ATP2A1: variants seen among roughly 807,000 people sequenced by gnomAD.
ATP2A1 encodes ATPase sarcoplasmic/endoplasmic reticulum Ca2+ transporting 1, also known as sarcoplasmic/endoplasmic reticulum calcium ATPase 1.
A neutral mutation model predicts 109.5 loss-of-function variants in ATP2A1; 83 were observed. That is an observed-to-expected ratio of 0.76 (90% CI 0.63 to 0.91). The LOEUF is 0.91. Ranked by LOEUF, ATP2A1 falls within the 40% of genes least tolerant of loss-of-function variation. The pLI is 0.00. For synonymous variants in ATP2A1, 505 were observed against 537.6 expected, an observed-to-expected ratio of 0.94 and a Z score of 0.84; for missense variants, 1,101 against 1,341.0, an observed-to-expected ratio of 0.82 and a Z score of 2.80.
chr16:28,893,117 T>G (rs187910064), intron 9 of ATP2A1, among the ~76,000 whole-genome samples: 1 of 144,174 alleles, frequency 6.9e-6, no homozygotes, highest in Non-Finnish European at 1.5e-5. Context: ...AGCATCATGG[T>G]GGGTGCCTGT....
chr16:28,902,126 GT>G lies in ATP2A1; in HGVS notation c.2321+44del. ...CGTCCAGGAGGAAGCCGGGGTTAGG[GT>G]GGGGTGGCTGCAGGTCTGGGAGGCA... On this transcript the variant is annotated intron_variant, in intron 16 of 22. Transcript: ENST00000395503. The surrounding 1 kb of genome is among the most constrained non-coding windows in gnomAD (Gnocchi z 4.8). The G allele has an allele frequency of 1.9e-6, 3 of 1,613,964 alleles. No homozygotes were observed. Among genetic ancestry groups the G allele is most frequent in the Non-Finnish European group, 2.5e-6 (3 of 1,179,804 alleles).
intron 2 of ATP2A1, 109 bp from the exon 3 acceptor site, chr16:28,879,392 C>T: frequency 9.2e-7 from 1 of 1,092,520 alleles, no homozygotes; most frequent in Non-Finnish European, 1.4e-6. Flanking sequence ...AAGCTGTCTG[C>T]CCACCACCCT....
chr16:28,882,683 A>G lies in ATP2A1; in HGVS notation c.463+94A>G. ...TGGTCAGGCTCGGATCCAGGTGTCC[A>G]GGAGGATGACGGAGTCTGCTTCTCT... On this transcript the variant is annotated intron_variant, in intron 5 of 22. Coordinates refer to ENST00000395503, the MANE Select transcript of ATP2A1 (RefSeq NM_004320.6). 3 of 1,553,234 alleles carry G rather than the reference A, an allele frequency of 1.9e-6. No individual in the cohort carries two copies. The South Asian group carries it at 3.5e-5, about 18-fold the overall frequency.
rs911993404 is a variant in ATP2A1 at position 28,883,946 on chromosome 16, G to A, written c.464-629G>A. Among the ~76,000 whole-genome samples, 1 of 152,014 alleles carries A rather than the reference G, an allele frequency of 6.6e-6. No homozygotes were observed. The highest frequency in any genetic ancestry group is 2.4e-5 in the African/African-American group (1 of 41,366). ...CACCCTGTGCCCCCCGCTGCCTTGA[G>A]TCCTGCCCACTCATACCTTCCGCTC... On this transcript the variant is annotated intron_variant, in intron 5 of 22. Transcript: ENST00000395503. The surrounding 1 kb of genome is among the most constrained non-coding windows in gnomAD (Gnocchi z 5.2).
At chr16:28,881,562 A>C (rs937934985) in intron 4 of ATP2A1, 3 of 197,330 alleles carry the variant, frequency 1.5e-5, no homozygotes, top group Admixed American at 5.3e-5. Context: ...ATACTTTGGG[A>C]GGCCGAGGCG....
At chr16:28,888,234 T>G (rs1395498507) in intron 8 of ATP2A1, among the ~76,000 whole-genome samples, 1 of 151,968 alleles carries the variant, frequency 6.6e-6, no homozygotes, top group Admixed American at 6.6e-5. Context: ...GGTTTCACCA[T>G]GTTGGCCAGG....
In ATP2A1 at chr16:28,887,620, A is replaced by G. The variant is rs1963649806; in HGVS notation, c.826A>G (p.Ile276Val). 6.2e-7 allele frequency: 1 copy of G among 1,613,860 alleles called. No individual in the cohort carries two copies. The highest frequency in any genetic ancestry group is 1.3e-5 in the African/African-American group (1 of 74,858). The part of the protein sequence containing the change: ...LICVAVWLIN[I>V]GHFNDPVHGG... ...CTGTGTGGCTGTCTGGCTTATCAAC[A>G]TTGGCCACTTCAACGACCCCGTCCA... Residue 276 changes from isoleucine to valine, a missense_variant, in exon 8 of 23, where the codon ATT becomes GTT. Physicochemically the swap from Ile to Val is conservative, Grantham distance 29. Coordinates refer to ENST00000395503, the MANE Select transcript of ATP2A1 (RefSeq NM_004320.6).
chr16:28,899,655 C>T (rs1470968877), intron 14 of ATP2A1, among the ~76,000 whole-genome samples: 5 of 116,468 alleles, frequency 4.3e-5, no homozygotes, highest in African/African-American at 1.3e-4. Flanking sequence ...CCGCCCCCCC[C>T]CCCCCGAAAA....
intron 9 of ATP2A1, among the ~76,000 whole-genome samples, chr16:28,889,192 GTC>G (rs990946023): frequency 1.2e-4 from 18 of 151,910 alleles, no homozygotes; most frequent in Non-Finnish European, 1.9e-4. Flanking sequence ...GCCACACATC[GTC>G]TCTCATCCCT....
intron 5 of ATP2A1, 25 bp downstream of exon 5, chr16:28,882,614 AG>A: frequency 6.2e-7 from 1 of 1,613,364 alleles, no homozygotes; most frequent in Non-Finnish European, 8.5e-7. Flanking sequence ...CGGCTGGTCC[AG>A]GATGGGAGGC....
chr16:28,889,994 T>G (rs1455974356), intron 9 of ATP2A1, among the ~76,000 whole-genome samples: 1 of 151,898 alleles, frequency 6.6e-6, no homozygotes, highest in Non-Finnish European at 1.5e-5. Context: ...ATACAAAAAT[T>G]AGCCGGGCAT....
chr16:28,886,855 A>G (rs1963625433), intron 6 of ATP2A1, among the ~76,000 whole-genome samples: 1 of 151,178 alleles, frequency 6.6e-6, no homozygotes, highest in Non-Finnish European at 1.5e-5. Flanking sequence ...AAAATTAGCC[A>G]GGTGTGACAG....
At chr16:28,885,815 T>C (rs1963599836) in intron 6 of ATP2A1, among the ~76,000 whole-genome samples, 1 of 151,912 alleles carries the variant, frequency 6.6e-6, no homozygotes, top group African/African-American at 2.4e-5. Context: ...TCAAAAATCC[T>C]CCAGGGAGGA....
At chr16:28,886,384 C>T (rs1338579227) in intron 6 of ATP2A1, among the ~76,000 whole-genome samples, 1 of 151,982 alleles carries the variant, frequency 6.6e-6, no homozygotes, top group East Asian at 1.9e-4. Flanking sequence ...CAGGGAGAAG[C>T]GAAGAAGAGG....
Position 28,903,024 on chromosome 16 carries a change from C to T in ATP2A1, c.2745-6C>T. On this transcript the variant is annotated splice_polypyrimidine_tract_variant and splice_region_variant and intron_variant, in intron 19 of 22. Coordinates refer to ENST00000395503, the MANE Select transcript of ATP2A1 (RefSeq NM_004320.6). This position sits in a 1 kb window ranked among gnomAD's most constrained non-coding sequence, Gnocchi z 5.6. ...TGTGCCTTCTCCCTCCCCTTCCCCT[C>T]TGCAGCCTGTCCGAGAACCAGTCCC... 6.2e-7 allele frequency: 1 copy of T among 1,613,842 alleles called. No homozygotes were observed. The highest frequency in any genetic ancestry group is 8.5e-7 in the Non-Finnish European group (1 of 1,179,962).
intron 5 of ATP2A1, 22 bp downstream of exon 5, chr16:28,882,611 T>A: frequency 6.2e-7 from 1 of 1,613,454 alleles, no homozygotes; most frequent in Non-Finnish European, 8.5e-7. Flanking sequence ...GGACGGCTGG[T>A]CCAGGATGGG....
chr16:28,887,309 T>C (rs1383125365), intron 7 of ATP2A1, 35 bp downstream of exon 7: 1 of 1,613,066 alleles, frequency 6.2e-7, no homozygotes, highest in Non-Finnish European at 8.5e-7. Flanking sequence ...ACACACTCAG[T>C]CAAGCCAGGT....
At chr16:28,879,649 C>T (rs1963396116) in intron 3 of ATP2A1, 66 bp downstream of exon 3, 3 of 1,508,358 alleles carry the variant, frequency 2.0e-6, no homozygotes, top group Non-Finnish European at 2.7e-6. Context: ...GAATGCGGGG[C>T]TCGCAGTCAC....
Position 28,891,663 on chromosome 16 carries a change from G to A in ATP2A1, c.1096-2492G>A, listed in dbSNP as rs150782368. 1.5e-4 allele frequency among the ~76,000 whole-genome samples: 22 copies of A among 149,300 alleles called. No individual in the cohort carries two copies. The East Asian group carries it at 3.0e-3, about 20-fold the overall frequency. On this transcript the variant is annotated intron_variant, in intron 9 of 22. Coordinates refer to ENST00000395503, the MANE Select transcript of ATP2A1 (RefSeq NM_004320.6). The stretch of plus-strand genomic sequence containing the variant: ...TCCTAGCACTTTGGGAGGCCAAGGC[G>A]GACGGATTACCTGAGGTCAGCTTGG...
Sources: gnomAD v4.1 joint callset for allele counts (sites outside exome capture counted in the v4.1 genomes callset) on GRCh38, gnomAD v4.1.1 for gene constraint, Gnocchi (gnomAD v3.1) non-coding constraint, MANE v1.5 for transcripts, NCBI Gene and HGNC (gene_info 2026-07-23, HGNC 2026-07-21) for gene names.